POFUT4: variants seen among roughly 807,000 people sequenced by gnomAD.
The protein encoded by POFUT4 is GDP-fucose protein O-fucosyltransferase 4.
chr10:73,775,326 T>G, the POFUT4 span: 1 of 1,133,282 alleles, frequency 8.8e-7, no homozygotes, highest in East Asian at 2.5e-5. Context: ...TCGTAATTGA[T>G]TGGGTAGTCT....
chr10:73,775,598 C>T, the POFUT4 span: 143 of 1,614,228 alleles, frequency 8.9e-5, 2 homozygotes, highest in Middle Eastern at 1.6e-3. Flanking sequence ...GGGAAGCTCT[C>T]ACTGCCATGA....
At chr10:73,772,437 A>G in the POFUT4 span, 1 of 1,565,546 alleles carries the variant, frequency 6.4e-7, no homozygotes, top group East Asian at 2.4e-5. Flanking sequence ...GCCGGCGGGG[A>G]GGCGGAGTGG....
At chr10:73,775,502 C>CT in the POFUT4 span, 1 of 1,614,212 alleles carries the variant, frequency 6.2e-7, no homozygotes, top group Non-Finnish European at 8.5e-7. Context: ...CATAACTATG[C>CT]TGCAGTTCCA....
the POFUT4 span, among the ~76,000 whole-genome samples, chr10:73,778,646 G>A: frequency 1.3e-5 from 2 of 151,922 alleles, no homozygotes; most frequent in Admixed American, 1.3e-4. Context: ...ATAGATATAT[G>A]TTAGATGCTT....
the POFUT4 span, chr10:73,772,357 G>T: frequency 4.7e-6 from 7 of 1,502,126 alleles, no homozygotes; most frequent in Non-Finnish European, 6.2e-6. Flanking sequence ...CCATTAGGGT[G>T]GTGTTGGTCC....
the POFUT4 span, chr10:73,772,309 G>C: frequency 2.1e-6 from 3 of 1,415,974 alleles, no homozygotes; most frequent in Admixed American, 3.3e-5. Context: ...TGCTGGCCGA[G>C]GGGGCGCCGG....
the POFUT4 span, chr10:73,772,852 C>T: frequency 3.1e-6 from 5 of 1,612,384 alleles, no homozygotes; most frequent in South Asian, 5.5e-5. Context: ...CCTTCAGTCG[C>T]CACTCGGATT....
the POFUT4 span, chr10:73,772,850 C>G: frequency 6.2e-7 from 1 of 1,612,352 alleles, no homozygotes; most frequent in South Asian, 1.1e-5. Flanking sequence ...CACCTTCAGT[C>G]GCCACTCGGA....
At chr10:73,777,920 C>T in the POFUT4 span, among the ~76,000 whole-genome samples, 2 of 147,194 alleles carry the variant, frequency 1.4e-5, no homozygotes. Flanking sequence ...AGTGCAGTGG[C>T]GTGATTTTGG....
At chr10:73,775,923 C>G in the POFUT4 span, 1 of 511,810 alleles carries the variant, frequency 2.0e-6, no homozygotes, top group South Asian at 2.9e-5. Flanking sequence ...AAACAGAACC[C>G]TAAAACATCC....
At chr10:73,773,721 G>A in the POFUT4 span, 1 of 1,614,176 alleles carries the variant, frequency 6.2e-7, no homozygotes, top group Non-Finnish European at 8.5e-7. Flanking sequence ...GGACAGCCCC[G>A]TCTTTGAGCC....
At chr10:73,775,600 C>T in the POFUT4 span, 1 of 1,614,214 alleles carries the variant, frequency 6.2e-7, no homozygotes, top group Non-Finnish European at 8.5e-7. Flanking sequence ...GAAGCTCTCA[C>T]TGCCATGATC....
chr10:73,774,610 G>A, the POFUT4 span: 1 of 152,318 alleles, frequency 6.6e-6, no homozygotes, highest in East Asian at 1.9e-4. Context: ...TGTGGCAGGT[G>A]GATTGCTTGA....
At chr10:73,777,909 G>C in the POFUT4 span, among the ~76,000 whole-genome samples, 1 of 144,008 alleles carries the variant, frequency 6.9e-6, no homozygotes, top group Non-Finnish European at 1.5e-5. Flanking sequence ...ACCAAGGCTA[G>C]AGTGCAGTGG....
chr10:73,775,691 C>CT, the POFUT4 span: 4 of 1,614,014 alleles, frequency 2.5e-6, no homozygotes, highest in Non-Finnish European at 3.4e-6. Flanking sequence ...TCTAAGTGCC[C>CT]TTGCAAGAGC....
At chr10:73,779,610 C>T in the POFUT4 span, 1 of 151,368 alleles carries the variant, frequency 6.6e-6, no homozygotes, top group African/African-American at 2.4e-5. Flanking sequence ...TAGGCACTGA[C>T]AAAAGAGGTC....
At chr10:73,776,014 C>T in the POFUT4 span, 1 of 263,526 alleles carries the variant, frequency 3.8e-6, no homozygotes, top group Non-Finnish European at 7.3e-6. Context: ...ACTTGATTAC[C>T]AGTGAAGTAA....
At chr10:73,775,684 A>C in the POFUT4 span, 3 of 1,614,164 alleles carry the variant, frequency 1.9e-6, no homozygotes, top group South Asian at 3.3e-5. Context: ...CAACATCTCT[A>C]AGTGCCCTTG....
the POFUT4 span, chr10:73,772,971 A>G: frequency 9.4e-6 from 15 of 1,603,302 alleles, no homozygotes; most frequent in African/African-American, 1.3e-4. Flanking sequence ...CCGCTGCTCT[A>G]TCTGCAGTCA....
Sources: allele counts gnomAD v4.1 joint callset (sites outside exome capture counted in the v4.1 genomes callset), GRCh38; gene constraint gnomAD v4.1.1; transcripts MANE v1.5; gene names NCBI Gene and HGNC (gene_info 2026-07-23, HGNC 2026-07-21).